Variants in ADCY1 observed in about 807,000 individuals in gnomAD.
ADCY1 encodes adenylate cyclase type 1.
A neutral mutation model predicts 105.4 loss-of-function variants in ADCY1; 28 were observed. The ratio of observed to expected loss-of-function variants is 0.27; its 90% confidence interval spans 0.20 to 0.36. The LOEUF (loss-of-function observed/expected upper bound fraction) is 0.36. Among genes scored for constraint, ADCY1 ranks in the 10% least tolerant of loss-of-function variants. The pLI, the probability that ADCY1 is intolerant of heterozygous loss-of-function variation, is 1.00. For synonymous variants in ADCY1, 655 were observed against 623.8 expected (o/e 1.05, Z -0.75); for missense variants, 977 against 1,434.2 (o/e 0.68, Z 5.15).
chr7:45,621,050 G>A (rs1443574734), intron 3 of ADCY1, among the ~76,000 whole-genome samples: 1 of 152,092 alleles, frequency 6.6e-6, no homozygotes, highest in Non-Finnish European at 1.5e-5. Context: ...GAGTCTTTCT[G>A]AGGGCAGTGA....
chr7:45,632,425 T>G (rs1319152422), intron 4 of ADCY1, among the ~76,000 whole-genome samples: 1 of 152,238 alleles, frequency 6.6e-6, no homozygotes, highest in African/African-American at 2.4e-5. Flanking sequence ...GGATTAACAT[T>G]TAAAAAATAG....
chr7:45,699,463 A>G (rs1434700500), intron 14 of ADCY1, among the ~76,000 whole-genome samples: 1 of 152,196 alleles, frequency 6.6e-6, no homozygotes, highest in African/African-American at 2.4e-5. Context: ...GGATTCATTA[A>G]TTACTTTAGG....
rs948846139 is a variant in ADCY1 at position 45,718,820 on chromosome 7, G to C, written c.*4825G>C. The C allele has an allele frequency of 2.2e-4, 34 of 152,682 alleles. No homozygotes were observed. The highest frequency in any genetic ancestry group is 8.0e-4 in the African/African-American group (33 of 41,464). The allele number at this position is 152,682 out of a possible 1,614,324, so 9.5% of individuals were successfully genotyped here. A position where few individuals can be genotyped will look rare whatever the true frequency, so the allele number is the denominator to read the frequency against. ...GGAGCAGGGGCAGGGCCTGAGGACT[G>C]CTCCCCCTGCATGGAGGGCAGGCCA... On this transcript the variant is annotated 3_prime_UTR_variant, in exon 20 of 20. Transcript: ENST00000297323.
chr7:45,643,113 C>CTTTT (rs528070607), intron 4 of ADCY1, among the ~76,000 whole-genome samples: 71 of 109,124 alleles, frequency 6.5e-4, no homozygotes, highest in African/African-American at 1.6e-3. Context: ...TGTTTTCTGT[C>CTTTT]TTTTTTTTTT....
chr7:45,669,047 G>A (rs1784317513), intron 8 of ADCY1, among the ~76,000 whole-genome samples: 1 of 152,078 alleles, frequency 6.6e-6, no homozygotes, highest in Admixed American at 6.6e-5. Context: ...CTTGCTAGCG[G>A]TCTATCAATT....
In ADCY1 at chr7:45,660,132, G is replaced by C; in HGVS notation, c.1398G>C (p.Leu466Phe). 1 of 1,614,228 alleles carries C rather than the reference G, an allele frequency of 6.2e-7. No individual in the cohort carries two copies. The highest frequency in any genetic ancestry group is 8.5e-7 in the Non-Finnish European group (1 of 1,180,034). Residue 466 changes from leucine to phenylalanine, a missense_variant, in exon 7 of 20, where the codon TTG (leucine) becomes TTC (phenylalanine). Around this residue, in one of 7 missense-constraint regions of ADCY1, gnomAD observed 66 missense variants for 127.2 expected, o/e 0.52. Coordinates refer to ENST00000297323, the MANE Select transcript of ADCY1 (RefSeq NM_021116.4). The stretch of plus-strand genomic sequence containing the variant: ...ACGGACATGAGAGGAACAGTTTCTT[G>C]AAAACTCATAACATCGAAACCTTTT... ...PGYGHERNSF[L>F]KTHNIETFFI...
chr7:45,677,758 C>T lies in ADCY1; in HGVS notation c.1606-111C>T, dbSNP rs574073716. ...AGTCATGATTATTAAATGTCAGATT[C>T]CCAAACCCGACCCCACCCTGCAGCG... On this transcript the variant is annotated intron_variant, in intron 8 of 19. Coordinates refer to ENST00000297323, the MANE Select transcript of ADCY1 (RefSeq NM_021116.4). The T allele has an allele frequency of 2.0e-5, 24 of 1,198,902 alleles. No homozygotes were observed. In the South Asian group the frequency reaches 3.0e-4, roughly 15 times the overall value. 74.3% of individuals were successfully genotyped at this position (1,198,902 alleles called of 1,614,324 possible).
At chr7:45,659,120 C>T (rs1169707765) in intron 6 of ADCY1, among the ~76,000 whole-genome samples, 1 of 152,234 alleles carries the variant, frequency 6.6e-6, no homozygotes, top group Non-Finnish European at 1.5e-5. Flanking sequence ...TCTCCCACCC[C>T]CTGCTCCTCT....
At chr7:45,649,847 G>GGTA (rs772931928) in intron 5 of ADCY1, among the ~76,000 whole-genome samples, 59 of 152,338 alleles carry the variant, frequency 3.9e-4, no homozygotes, top group Non-Finnish European at 6.9e-4. Flanking sequence ...AGTCCCTGAT[G>GGTA]GTAGCTCCAC....
intron 1 of ADCY1, among the ~76,000 whole-genome samples, chr7:45,580,394 G>T (rs1466425160): frequency 1.3e-5 from 2 of 152,326 alleles, no homozygotes; most frequent in East Asian, 3.9e-4. Flanking sequence ...GCAGCTGCCG[G>T]GGCCTCCCTG....
chr7:45,590,083 T>C (rs1412220055), intron 1 of ADCY1, among the ~76,000 whole-genome samples: 5 of 152,036 alleles, frequency 3.3e-5, no homozygotes, highest in African/African-American at 1.2e-4. Context: ...CACCTCCATA[T>C]AGTGCAGAGA....
chr7:45,606,696 C>T (rs1234633823), intron 2 of ADCY1, among the ~76,000 whole-genome samples: 1 of 152,196 alleles, frequency 6.6e-6, no homozygotes, highest in Non-Finnish European at 1.5e-5. Context: ...GAAGTAGAGT[C>T]TTCACAATTG....
chr7:45,713,897 C>A lies in ADCY1; in HGVS notation c.3262C>A (p.Pro1088Thr), dbSNP rs548312101. Residue 1088 changes from proline (P) to threonine (T), a missense_variant, in exon 20 of 20, where the codon CCC becomes ACC. Coordinates refer to ENST00000297323, the MANE Select transcript of ADCY1 (RefSeq NM_021116.4). ...AGCTGGCCTTCAGGGCAGACGTCCCCCCGTGTGCCCCATGCCTGGCGTCTC... is the reference window on the plus strand; with the variant it reads ...AGCTGGCCTTCAGGGCAGACGTCCCACCGTGTGCCCCATGCCTGGCGTCTC... ...GRAGLQGRRP[P>T]VCPMPGVSVR... 3.1e-5 allele frequency: 24 copies of A among 780,558 alleles called. No individual in the cohort carries two copies. The highest frequency in any genetic ancestry group is 1.0e-4 in the Admixed American group (6 of 59,030). The allele number at this position is 780,558 out of a possible 1,614,324, so 48.4% of individuals were successfully genotyped here. A position where few individuals can be genotyped will look rare whatever the true frequency, so the allele number is the denominator to read the frequency against.
intron 4 of ADCY1, among the ~76,000 whole-genome samples, chr7:45,626,440 C>T (rs530820645): frequency 2.0e-5 from 3 of 152,234 alleles, no homozygotes; most frequent in Non-Finnish European, 4.4e-5. Context: ...TGCTGCTGGC[C>T]GCCTTTGTTC....
rs961157144 is a variant in ADCY1, at chr7:45,721,814, TCCTGCTGGTA to T, written c.*7822_*7831del. ...CTCTGACCCTCTCCTGGGCATTGGT[TCCTGCTGGTA>T]CCGGGCGGTTCAGACCTTCAAATAG... On this transcript the variant is annotated 3_prime_UTR_variant, in exon 20 of 20. Transcript: ENST00000297323. 4 of 398,628 alleles carry T rather than the reference TCCTGCTGGTA, an allele frequency of 1.0e-5. No individual in the cohort carries two copies. Among genetic ancestry groups the T allele is most frequent in the African/African-American group, 6.2e-5 (3 of 48,746 alleles). The allele number at this position is 398,628 out of a possible 1,614,324, so 24.7% of individuals were successfully genotyped here.
At chr7:45,595,764 C>T (rs1448777811) in intron 2 of ADCY1, among the ~76,000 whole-genome samples, 1 of 152,240 alleles carries the variant, frequency 6.6e-6, no homozygotes, top group Non-Finnish European at 1.5e-5. Flanking sequence ...TGTTTTGACA[C>T]ATGAGCGCTG....
At chr7:45,659,990 T>A in intron 6 of ADCY1, 52 bp from the exon 7 acceptor site, 3 of 1,609,502 alleles carry the variant, frequency 1.9e-6, no homozygotes, top group Non-Finnish European at 2.5e-6. Context: ...CCCTGCAGAC[T>A]CTGACAGCAG....
chr7:45,659,211 G>A (rs937976821), intron 6 of ADCY1, among the ~76,000 whole-genome samples: 4 of 152,350 alleles, frequency 2.6e-5, no homozygotes, highest in Non-Finnish European at 2.9e-5. Flanking sequence ...ATCCCAGTGA[G>A]CATGGCAGCT....
intron 5 of ADCY1, among the ~76,000 whole-genome samples, chr7:45,650,952 G>A (rs923305910): frequency 9.9e-5 from 15 of 152,090 alleles, no homozygotes; most frequent in African/African-American, 3.6e-4. Context: ...TGTCCTCTTG[G>A]CCAGCTCTCC....
Sources: allele counts gnomAD v4.1 joint callset (sites outside exome capture counted in the v4.1 genomes callset), GRCh38; gene constraint gnomAD v4.1.1; regional missense constraint gnomAD v4.1.1; transcripts MANE v1.5; gene names NCBI Gene and HGNC (gene_info 2026-07-23, HGNC 2026-07-21).